KLF8: variants seen among roughly 807,000 people sequenced by gnomAD.
KLF8 encodes KLF transcription factor 8, also known as Krueppel-like factor 8.
In KLF8, 10 loss-of-function variants were observed where a neutral mutation model predicts 18.2. The observed-to-expected ratio is 0.55, with a 90% confidence interval of 0.34 to 0.93. KLF8 has a LOEUF of 0.93. KLF8 is among the 40% of genes least tolerant of loss of function. The pLI is 0.02. For synonymous variants in KLF8, 109 were observed against 97.3 expected, an observed-to-expected ratio of 1.12 and a Z score of -0.71; for missense variants, 264 against 277.9, an observed-to-expected ratio of 0.95 and a Z score of 0.36.
chrX:56,237,718 C>T (rs757291735), intron 1 of KLF8, among the ~76,000 whole-genome samples: 2 of 111,860 alleles, frequency 1.8e-5, no homozygotes, highest in South Asian at 7.5e-4. Flanking sequence ...CATTAGAGAG[C>T]TCAGGCTGCC....
At chrX:56,131,367 G>T in the KLF8 span, among the ~76,000 whole-genome samples, 32 of 111,313 alleles carry the variant, frequency 2.9e-4, no homozygotes, top group Non-Finnish European at 4.3e-4. Flanking sequence ...TATCACCCAA[G>T]AATTTTTTAT....
the KLF8 span, among the ~76,000 whole-genome samples, chrX:55,985,067 T>C: frequency 9.0e-6 from 1 of 111,188 alleles, no homozygotes; most frequent in South Asian, 3.8e-4. Context: ...TTTCCCATAC[T>C]GTAGATTGTC....
At chrX:56,149,642 A>G in the KLF8 span, among the ~76,000 whole-genome samples, 15 of 111,813 alleles carry the variant, frequency 1.3e-4, no homozygotes, top group African/African-American at 4.9e-4. Context: ...AAAAAAGAAG[A>G]GTGTTGAAAC....
intron 5 of KLF8, among the ~76,000 whole-genome samples, chrX:56,279,661 CAA>C (rs1271694767): frequency 9.0e-6 from 1 of 111,003 alleles, no homozygotes; most frequent in Admixed American, 9.6e-5. Context: ...GCAATCCAGG[CAA>C]AAAATGATGA....
At chrX:56,267,155 C>A (rs1016525953) in intron 3 of KLF8, 1 of 754,072 alleles carries the variant, frequency 1.3e-6, no homozygotes, top group Non-Finnish European at 1.6e-6. Flanking sequence ...ATCAGAGCCA[C>A]TCTAAATAAA....
At chrX:56,223,027 C>A in the KLF8 span, among the ~76,000 whole-genome samples, 1 of 113,238 alleles carries the variant, frequency 8.8e-6, no homozygotes, top group Non-Finnish European at 1.9e-5. Context: ...TGAAGGGCTC[C>A]TCAAGTGCGG....
chrX:56,013,095 A>G, the KLF8 span, among the ~76,000 whole-genome samples: 4 of 112,572 alleles, frequency 3.6e-5, no homozygotes, highest in African/African-American at 6.5e-5. Flanking sequence ...AACAAAAACA[A>G]GCAATGGGGA....
chrX:55,991,954 T>A, the KLF8 span, among the ~76,000 whole-genome samples: 2 of 112,382 alleles, frequency 1.8e-5, no homozygotes, highest in African/African-American at 6.5e-5. Flanking sequence ...TGTGGTTGTT[T>A]TGTTTTTGCT....
At chrX:55,927,412 C>T in the KLF8 span, among the ~76,000 whole-genome samples, 2 of 111,897 alleles carry the variant, frequency 1.8e-5, no homozygotes, top group Non-Finnish European at 3.8e-5. Context: ...TTTTCTAGGG[C>T]AGAAATCTAG....
At chrX:56,268,912 G>T in intron 3 of KLF8, 1 of 949,787 alleles carries the variant, frequency 1.1e-6, no homozygotes. Context: ...TTTCTGTTTA[G>T]GAGCACAAAG....
chrX:56,088,687 T>A, the KLF8 span, among the ~76,000 whole-genome samples: 1 of 111,800 alleles, frequency 8.9e-6, no homozygotes, highest in Non-Finnish European at 1.9e-5. Context: ...CCACATCAGA[T>A]TCCAGAGGGA....
At chrX:56,148,472 T>A in the KLF8 span, among the ~76,000 whole-genome samples, 1 of 111,254 alleles carries the variant, frequency 9.0e-6, no homozygotes, top group Non-Finnish European at 1.9e-5. Flanking sequence ...ACACCATAAC[T>A]ATACTCTATG....
chrX:56,032,032 A>G, the KLF8 span, among the ~76,000 whole-genome samples: 1 of 111,087 alleles, frequency 9.0e-6, no homozygotes, highest in African/African-American at 3.3e-5. Flanking sequence ...TTGCTAGGTC[A>G]TGGGTTGAAT....
At chrX:56,006,888 G>A in the KLF8 span, among the ~76,000 whole-genome samples, 7 of 111,988 alleles carry the variant, frequency 6.3e-5, no homozygotes, top group Non-Finnish European at 1.1e-4. Context: ...AGGCTGGGTC[G>A]TTTCCCAGGC....
chrX:56,155,889 T>C, the KLF8 span, among the ~76,000 whole-genome samples: 8 of 111,683 alleles, frequency 7.2e-5, no homozygotes, highest in African/African-American at 2.6e-4. Context: ...AGGTCCTACT[T>C]ATAAGTGAGA....
chrX:56,052,532 A>T, the KLF8 span, among the ~76,000 whole-genome samples: 2 of 111,651 alleles, frequency 1.8e-5, no homozygotes, highest in Non-Finnish European at 3.8e-5. Context: ...CTGCCGTGTG[A>T]GGTGTCAGTG....
At chrX:56,140,398 C>A in the KLF8 span, among the ~76,000 whole-genome samples, 1 of 111,725 alleles carries the variant, frequency 9.0e-6, no homozygotes, top group South Asian at 3.7e-4. Flanking sequence ...AAACATGATA[C>A]GTATGCATGA....
the KLF8 span, among the ~76,000 whole-genome samples, chrX:56,043,671 C>T: frequency 8.9e-5 from 10 of 112,034 alleles, no homozygotes; most frequent in Non-Finnish European, 1.3e-4. Context: ...ATGTTTCTCT[C>T]GAAACTGGCT....
At chrX:56,083,172 T>C in the KLF8 span, among the ~76,000 whole-genome samples, 1 of 112,161 alleles carries the variant, frequency 8.9e-6, no homozygotes, top group African/African-American at 3.2e-5. Context: ...GGCTTGATGG[T>C]GTCCCCTAAG....
Sources: allele counts gnomAD v4.1 joint callset (sites outside exome capture counted in the v4.1 genomes callset), GRCh38; gene constraint gnomAD v4.1.1; transcripts MANE v1.5; gene names NCBI Gene and HGNC (gene_info 2026-07-23, HGNC 2026-07-21).